Variants in BANP observed in about 807,000 individuals in gnomAD.
BANP encodes the protein protein BANP.
A neutral mutation model predicts 68.1 loss-of-function variants in BANP; 11 were observed. The ratio of observed to expected loss-of-function variants is 0.16; its 90% confidence interval spans 0.10 to 0.27. The LOEUF is 0.27. Among genes scored for constraint, BANP ranks in the 10% least tolerant of loss-of-function variants. The pLI is 1.00. For missense variants in BANP, 504 were observed against 722.7 expected, an observed-to-expected ratio of 0.70 and a Z score of 3.47; for synonymous variants, 329 against 303.2, an observed-to-expected ratio of 1.09 and a Z score of -0.88.
chr16:87,979,245 A>G (rs955476991), intron 2 of BANP, among the ~76,000 whole-genome samples: 35 of 152,022 alleles, frequency 2.3e-4, no homozygotes, highest in Non-Finnish European at 5.9e-5. Flanking sequence ...GCTTTGGTGG[A>G]GGTGGAGGCA....
intron 1 of BANP, among the ~76,000 whole-genome samples, chr16:87,971,796 A>G (rs1322943008): frequency 6.6e-6 from 1 of 151,422 alleles, no homozygotes; most frequent in East Asian, 1.9e-4. Context: ...TCATTGCTTT[A>G]GTTTTCCTTT....
At chr16:87,978,376 T>C (rs1329947335) in intron 2 of BANP, 1 of 265,258 alleles carries the variant, frequency 3.8e-6, no homozygotes, top group Non-Finnish European at 7.7e-6. Context: ...CCTGGACTTG[T>C]TTTCTTCTCA....
intron 7 of BANP, among the ~76,000 whole-genome samples, chr16:88,025,176 T>C (rs1326871774): frequency 6.6e-6 from 1 of 152,222 alleles, no homozygotes; most frequent in East Asian, 1.9e-4. Flanking sequence ...CTGCTTTGTA[T>C]CTAAAATCAG....
rs944813303 is a variant in BANP, at chr16:88,003,918, C to G, written c.363-377C>G. ...TGACTGAAAATGTCAAGCCAGTTCT[C>G]ATGCAAGTGTGCCACCCTAGAAGCT... is the stretch of plus-strand genomic sequence containing the variant. On this transcript the variant is annotated intron_variant, in intron 4 of 13. Transcript: ENST00000682872. This position sits in a 1 kb window ranked among gnomAD's most constrained non-coding sequence, Gnocchi z 6.1. The G allele has an allele frequency of 3.3e-5, 10 of 303,180 alleles. No individual in the cohort carries two copies. The highest frequency in any genetic ancestry group is 1.2e-3 in the Middle Eastern group (1 of 856). 18.8% of individuals were successfully genotyped at this position (303,180 alleles called of 1,614,324 possible). A position where few individuals can be genotyped will look rare whatever the true frequency, so the allele number is the denominator to read the frequency against.
chr16:87,950,165 C>T (rs1338453871), upstream of BANP, among the ~76,000 whole-genome samples: 1 of 152,242 alleles, frequency 6.6e-6, no homozygotes, highest in African/African-American at 2.4e-5. Context: ...GCGTGAGCCG[C>T]CGCGCCCGGC....
chr16:88,052,104 T>C (rs2083389768), intron 11 of BANP, among the ~76,000 whole-genome samples: 1 of 152,208 alleles, frequency 6.6e-6, no homozygotes, highest in Admixed American at 6.5e-5. Context: ...CACCCATTCC[T>C]GGACAGATGC....
rs1035140220 is a variant in BANP, at chr16:88,036,445, G to A, written c.1272+1051G>A. 1.3e-5 allele frequency among the ~76,000 whole-genome samples: 2 copies of A among 152,158 alleles called. No individual in the cohort carries two copies. Among genetic ancestry groups the A allele is most frequent in the Non-Finnish European group, 1.5e-5 (1 of 68,030 alleles). ...AGCCCTGCCATCGGGGACTCACAGC[G>A]GGCGCAGAGCCTCCTGCCCAAGTGC... On this transcript the variant is annotated intron_variant, in intron 10 of 13. Transcript: ENST00000682872. The surrounding 1 kb of genome is among the most constrained non-coding windows in gnomAD (Gnocchi z 4.2).
intron 1 of BANP, 52 bp downstream of exon 1, chr16:87,951,567 G>T: frequency 6.6e-6 from 1 of 152,476 alleles, no homozygotes; most frequent in South Asian, 1.8e-4. Context: ...CTTCCCGCGG[G>T]GCGAGAGCGA....
intron 4 of BANP, among the ~76,000 whole-genome samples, chr16:87,998,922 C>G (rs1458210874): frequency 3.4e-4 from 1 of 2,970 alleles, no homozygotes; most frequent in African/African-American, 4.1e-4. Context: ...AGACACGTCT[C>G]CATGCACGTG....
intron 2 of BANP, 42 bp downstream of exon 2, chr16:87,975,227 ATTC>A (rs758735551): frequency 1.1e-5 from 18 of 1,601,008 alleles, no homozygotes; most frequent in Non-Finnish European, 1.5e-5. Flanking sequence ...TATTCTCTTT[ATTC>A]TTCAAAAACC....
chr16:87,979,437 G>A (rs1476839982), intron 2 of BANP, among the ~76,000 whole-genome samples: 1 of 152,144 alleles, frequency 6.6e-6, no homozygotes, highest in Non-Finnish European at 1.5e-5. Flanking sequence ...GTGAGTTGAG[G>A]CCCTTCCAGG....
At chr16:88,068,895 C>T (rs949718085) in intron 12 of BANP, among the ~76,000 whole-genome samples, 1 of 2,776 alleles carries the variant, frequency 3.6e-4, no homozygotes, top group African/African-American at 3.9e-4. Context: ...GCTCTCGTCC[C>T]CAGCCTGTGG....
At chr16:88,066,425 C>G (rs2088630371) in intron 12 of BANP, among the ~76,000 whole-genome samples, 1 of 152,186 alleles carries the variant, frequency 6.6e-6, no homozygotes, top group African/African-American at 2.4e-5. Flanking sequence ...TACTGCGGGC[C>G]TGGCCACCTG....
chr16:88,013,560 G>A (rs1236510177), intron 6 of BANP, among the ~76,000 whole-genome samples: 1 of 152,228 alleles, frequency 6.6e-6, no homozygotes, highest in East Asian at 1.9e-4. Flanking sequence ...TCAGTGTGGT[G>A]TGACGTGGGC....
At chr16:87,986,985 G>T (rs1026207104) in intron 4 of BANP, among the ~76,000 whole-genome samples, 8 of 152,076 alleles carry the variant, frequency 5.3e-5, no homozygotes, top group Non-Finnish European at 8.8e-5. Flanking sequence ...TAGAAGAATC[G>T]TTCTGCTATT....
At chr16:87,965,584 G>T (rs2059878976) in intron 1 of BANP, among the ~76,000 whole-genome samples, 1 of 145,956 alleles carries the variant, frequency 6.9e-6, no homozygotes, top group Non-Finnish European at 1.5e-5. Flanking sequence ...GAGGGTCCAG[G>T]AGTAGGGGAG....
At chr16:88,023,254 A>G (rs1368209706) in intron 7 of BANP, among the ~76,000 whole-genome samples, 1 of 152,104 alleles carries the variant, frequency 6.6e-6, no homozygotes, top group East Asian at 1.9e-4. Context: ...TGTGACCTGG[A>G]GGTGGTCCTG....
At chr16:87,993,319 C>T (rs1041120450) in intron 4 of BANP, among the ~76,000 whole-genome samples, 7 of 152,184 alleles carry the variant, frequency 4.6e-5, no homozygotes, top group East Asian at 1.9e-4. Flanking sequence ...AGTTGTGTGC[C>T]GCCTCCTCGA....
At chr16:87,971,408 G>A (rs1422707618) in intron 1 of BANP, among the ~76,000 whole-genome samples, 1 of 152,162 alleles carries the variant, frequency 6.6e-6, no homozygotes, top group Non-Finnish European at 1.5e-5. Flanking sequence ...TCTGAGGACT[G>A]GATGCTGCCT....
Sources: allele counts gnomAD v4.1 joint callset (sites outside exome capture counted in the v4.1 genomes callset), GRCh38; gene constraint gnomAD v4.1.1; non-coding constraint Gnocchi (gnomAD v3.1); transcripts MANE v1.5; gene names NCBI Gene and HGNC (gene_info 2026-07-23, HGNC 2026-07-21).